NCOA6: variants seen among roughly 807,000 people sequenced by gnomAD.
NCOA6 encodes nuclear receptor coactivator 6.
A neutral mutation model predicts 171.4 loss-of-function variants in NCOA6; 49 were observed. The ratio of observed to expected loss-of-function variants is 0.29; its 90% CI spans 0.23 to 0.36. The LOEUF (loss-of-function observed/expected upper bound fraction) is 0.36, where lower values mean the gene tolerates loss of function less well. Ranked by LOEUF, NCOA6 falls within the 10% of genes least tolerant of loss-of-function variation. NCOA6 has a pLI of 1.00. For synonymous variants in NCOA6, 910 were observed against 927.5 expected, an observed-to-expected ratio of 0.98 and a Z score of 0.34; for missense variants, 2,248 against 2,554.5, an observed-to-expected ratio of 0.88 and a Z score of 2.59.
chr20:34,803,009 T>A (rs2078307364), intron 1 of NCOA6, among the ~76,000 whole-genome samples: 1 of 151,984 alleles, frequency 6.6e-6, no homozygotes. Context: ...CAGGGTTTTA[T>A]CATGTTGCCC....
In NCOA6 at chr20:34,750,165, A is replaced by ATCC; in HGVS notation, c.2027_2029dup (p.Arg676dup). On this transcript the variant is annotated inframe_insertion, in exon 9 of 15. Transcript: ENST00000359003. ...GGAAAGCATCTGCTTGGGTGGGGTCATCCTTTGGGGCGAGGGCCCAAGATT... is the reference window on the plus strand; with the variant it reads ...GGAAAGCATCTGCTTGGGTGGGGTCATCCTCCTTTGGGGCGAGGGCCCAAGATT... 1 of 1,612,996 alleles carries ATCC rather than the reference A, an allele frequency of 6.2e-7. No individual in the cohort carries two copies. Among genetic ancestry groups the ATCC allele is most frequent in the South Asian group, 1.1e-5 (1 of 90,976 alleles).
In NCOA6 at chr20:34,757,938, C is replaced by CTGCTGTTGT; in HGVS notation, c.801_809dup (p.Gln283_Gln285dup). 6.2e-7 allele frequency: 1 copy of CTGCTGTTGT among 1,613,282 alleles called. No individual in the cohort carries two copies. Among genetic ancestry groups the CTGCTGTTGT allele is most frequent in the Non-Finnish European group, 8.5e-7 (1 of 1,179,406 alleles). On this transcript the variant is annotated inframe_insertion, in exon 7 of 15. Transcript: ENST00000359003. The stretch of plus-strand genomic sequence containing the variant: ...GTTGTTGCTGCTGCTGCTGCTGCTG[C>CTGCTGTTGT]TGCTGTTGTTGTTGTTGCTGCTGCT...
chr20:34,788,942 AAAAT>A lies in NCOA6; in HGVS notation c.-50+3504_-50+3507del, dbSNP rs886852793. ...GTAACAAGAGTGAAACTCCGTCTCA[AAAAT>A]AAATAAATAAATAAATAAATCTCTT... On this transcript the variant is annotated intron_variant, in intron 2 of 14. Coordinates refer to ENST00000359003, the MANE Select transcript of NCOA6 (RefSeq NM_014071.5). Among the ~76,000 whole-genome samples, 11 of 152,298 alleles carry A rather than the reference AAAAT, an allele frequency of 7.2e-5. No individual in the cohort carries two copies. The South Asian group carries it at 1.2e-3, about 17-fold the overall frequency.
At chr20:34,799,054 T>C (rs1305817719) in intron 1 of NCOA6, among the ~76,000 whole-genome samples, 2 of 152,102 alleles carry the variant, frequency 1.3e-5, no homozygotes, top group Non-Finnish European at 2.9e-5. Flanking sequence ...AGACAGAGAA[T>C]TCAAAACAGC....
intron 1 of NCOA6, among the ~76,000 whole-genome samples, chr20:34,796,866 T>C (rs769769047): frequency 9.2e-5 from 14 of 152,154 alleles, no homozygotes; most frequent in Admixed American, 3.3e-4. Context: ...TAAAGGTCCA[T>C]GGGAGCTGAG....
chr20:34,738,485 G>A (rs887243360), intron 11 of NCOA6, among the ~76,000 whole-genome samples: 4 of 151,888 alleles, frequency 2.6e-5, no homozygotes, highest in African/African-American at 9.7e-5. Context: ...ATTTACACCA[G>A]GTTCCCTTTT....
At chr20:34,746,601 T>C (rs2076308954) in intron 10 of NCOA6, among the ~76,000 whole-genome samples, 1 of 152,132 alleles carries the variant, frequency 6.6e-6, no homozygotes, top group Non-Finnish European at 1.5e-5. Context: ...TTGAATAGAA[T>C]GTGTGTGTGT....
In NCOA6 at chr20:34,743,218, T is replaced by C; in HGVS notation, c.3038A>G (p.Gln1013Arg). Reference sequence around the variant, plus strand: ...TGGCTGACTGGGAGGTGGTGGCTGCTGCTGCTGAGGCAGTTGTGGCTGTGG... The same window carrying C: ...TGGCTGACTGGGAGGTGGTGGCTGCCGCTGCTGAGGCAGTTGTGGCTGTGG... ...QQPQPQLPQQ[Q>R]QPPPPSQPQS... Residue 1013 changes from glutamine (Q) to arginine (R), a missense_variant, in exon 11 of 15, where the codon CAG becomes CGG. This residue lies in a region of NCOA6 where 352 missense variants were observed against 419.1 expected (regional missense o/e 0.84). Coordinates refer to ENST00000359003, the MANE Select transcript of NCOA6 (RefSeq NM_014071.5). The C allele has an allele frequency of 6.2e-7, 1 of 1,614,092 alleles. No individual in the cohort carries two copies.
chr20:34,749,902 G>C lies in NCOA6; in HGVS notation c.2293C>G (p.Gln765Glu), dbSNP rs374244142. ...MVQFTGQMSGQMLPQQGPVNN... is the reference protein window; with the variant it reads ...MVQFTGQMSGEMLPQQGPVNN... The stretch of plus-strand genomic sequence containing the variant: ...ACAGGCCCTTGCTGGGGCAGCATCT[G>C]TCCTGACATCTGTCCCGTAAACTGC... The change falls in exon 9 of 15, where the codon CAG becomes GAG. Residue 765 changes from glutamine (Q) to glutamate (E), a missense_variant. By Grantham distance (29) the Gln-to-Glu change is conservative. This residue lies in a region of NCOA6 where 987 missense variants were observed against 1,104.7 expected (regional missense o/e 0.89). Transcript: ENST00000359003. 2 of 1,614,118 alleles carry C rather than the reference G, an allele frequency of 1.2e-6. No homozygotes were observed. The highest frequency in any genetic ancestry group is 2.7e-5 in the African/African-American group (2 of 74,926).
chr20:34,747,845 C>T (rs1207166617), intron 9 of NCOA6, among the ~76,000 whole-genome samples: 3 of 152,168 alleles, frequency 2.0e-5, no homozygotes, highest in African/African-American at 7.2e-5. Context: ...CTTTAAATTA[C>T]AGGCAAGAAT....
intron 14 of NCOA6, among the ~76,000 whole-genome samples, chr20:34,724,346 C>T (rs1160697117): frequency 6.6e-6 from 1 of 152,194 alleles, no homozygotes; most frequent in Non-Finnish European, 1.5e-5. Context: ...TTCCCAGAGG[C>T]TCTTGTGAGG....
At position 34,743,207 on chromosome 20, in the gene NCOA6, G is replaced by A; in HGVS notation, c.3049C>T (p.Pro1017Ser). Reference protein sequence around the residue: ...PQLPQQQQPPPPSQPQSQQQQ... With the variant: ...PQLPQQQQPPSPSQPQSQQQQ... ...TGCTGAGACTGTGGCTGACTGGGAG[G>A]TGGTGGCTGCTGCTGCTGAGGCAGT... The change falls in exon 11 of 15, where the codon CCT becomes TCT. Residue 1017 changes from proline to serine, a missense_variant. This residue lies in a region of NCOA6 where 352 missense variants were observed against 419.1 expected (regional missense o/e 0.84). Coordinates refer to ENST00000359003, the MANE Select transcript of NCOA6 (RefSeq NM_014071.5). The A allele has an allele frequency of 6.2e-7, 1 of 1,614,092 alleles. No individual in the cohort carries two copies. Among genetic ancestry groups the A allele is most frequent in the Non-Finnish European group, 8.5e-7 (1 of 1,180,012 alleles).
chr20:34,748,011 A>C (rs1281132156), intron 9 of NCOA6, among the ~76,000 whole-genome samples: 1 of 152,206 alleles, frequency 6.6e-6, no homozygotes, highest in Non-Finnish European at 1.5e-5. Context: ...AGCTGGAAGC[A>C]GGTACTTTTC....
intron 14 of NCOA6, among the ~76,000 whole-genome samples, chr20:34,725,531 T>C (rs1420817062): frequency 6.6e-6 from 1 of 151,644 alleles, no homozygotes; most frequent in African/African-American, 2.4e-5. Flanking sequence ...GGCTGGGAGA[T>C]GACAGGGCCG....
At chr20:34,796,195 A>G (rs2078066069) in intron 1 of NCOA6, among the ~76,000 whole-genome samples, 1 of 151,604 alleles carries the variant, frequency 6.6e-6, no homozygotes, top group African/African-American at 2.4e-5. Context: ...TTATTTGTAG[A>G]GATAGGGTCT....
intron 9 of NCOA6, among the ~76,000 whole-genome samples, chr20:34,748,538 T>C (rs898428064): frequency 3.3e-5 from 5 of 152,168 alleles, no homozygotes; most frequent in Non-Finnish European, 7.3e-5. Flanking sequence ...ATTTCCTCAT[T>C]TATTATTTTT....
intron 2 of NCOA6, among the ~76,000 whole-genome samples, chr20:34,786,919 A>C (rs1601025823): frequency 6.6e-6 from 1 of 152,184 alleles, no homozygotes; most frequent in African/African-American, 2.4e-5. Context: ...GCATGGGCAA[A>C]GATTTCATGA....
In NCOA6 at chr20:34,741,773, G is replaced by A; in HGVS notation, c.4483C>T (p.Leu1495Phe). ...ACATTGGGAGCTCCAGAGTTGTCAAGAAGTTGACTTAACGATGTTGGTGCT... is the reference window on the plus strand; with the variant it reads ...ACATTGGGAGCTCCAGAGTTGTCAAAAAGTTGACTTAACGATGTTGGTGCT... The part of the protein sequence containing the change: ...REAPTSLSQL[L>F]DNSGAPNVTI... The change falls in exon 11 of 15, where the codon CTT (leucine) becomes TTT (phenylalanine). Residue 1495 changes from leucine to phenylalanine, a missense_variant. Transcript: ENST00000359003. 6.2e-7 allele frequency: 1 copy of A among 1,614,208 alleles called. No homozygotes were observed. The highest frequency in any genetic ancestry group is 8.5e-7 in the Non-Finnish European group (1 of 1,180,044).
chr20:34,770,667 G>A (rs1447603060), intron 4 of NCOA6, among the ~76,000 whole-genome samples: 2 of 149,394 alleles, frequency 1.3e-5, no homozygotes, highest in African/African-American at 4.9e-5. Context: ...GTGTCTCACT[G>A]TTGCCTGGGC....
Sources: gnomAD v4.1 joint callset for allele counts (sites outside exome capture counted in the v4.1 genomes callset) on GRCh38, gnomAD v4.1.1 for gene constraint, gnomAD v4.1.1 regional missense constraint, MANE v1.5 for transcripts, NCBI Gene and HGNC (gene_info 2026-07-23, HGNC 2026-07-21) for gene names.